Variants in MEGF10 observed in about 807,000 individuals in gnomAD.
The protein encoded by MEGF10 is multiple EGF like domains 10.
Under a neutral mutation model 147.5 loss-of-function variants are expected in MEGF10, and 86 were observed. The observed-to-expected ratio is 0.58, with a 90% CI of 0.49 to 0.70. The LOEUF (loss-of-function observed/expected upper bound fraction) is 0.70, where lower values mean the gene tolerates loss of function less well. Ranked by LOEUF, MEGF10 falls within the 30% of genes least tolerant of loss-of-function variation. The pLI, the probability that MEGF10 is intolerant of heterozygous loss-of-function variation, is 0.00. For missense variants in MEGF10, 1,329 were observed against 1,487.3 expected (o/e 0.89, Z 1.75); for synonymous variants, 478 against 525.5 (o/e 0.91, Z 1.24).
At chr5:127,447,448 A>T in intron 20 of MEGF10, 109 bp from the exon 21 acceptor site, 1 of 1,467,438 alleles carries the variant, frequency 6.8e-7, no homozygotes, top group Non-Finnish European at 9.3e-7. Flanking sequence ...AAGTGCTGGG[A>T]TTACAGGCGT....
At chr5:127,396,311 A>G (rs1324862243) in intron 5 of MEGF10, among the ~76,000 whole-genome samples, 1 of 152,138 alleles carries the variant, frequency 6.6e-6, no homozygotes, top group African/African-American at 2.4e-5. Flanking sequence ...ATTTATTGAC[A>G]TGATTGTCAA....
At chr5:127,268,264 T>G in the MEGF10 span, among the ~76,000 whole-genome samples, 3 of 152,218 alleles carry the variant, frequency 2.0e-5, no homozygotes, top group Non-Finnish European at 4.4e-5. Flanking sequence ...CTAGTTTGAT[T>G]GCACTGTGGT....
chr5:127,376,649 T>A (rs373322075), intron 5 of MEGF10, among the ~76,000 whole-genome samples: 10 of 152,316 alleles, frequency 6.6e-5, no homozygotes, highest in African/African-American at 2.4e-4. Context: ...GTTACATTGA[T>A]GATCATGATG....
intron 1 of MEGF10, among the ~76,000 whole-genome samples, chr5:127,294,835 T>TAATAATAATAAGAAA: frequency 7.0e-6 from 1 of 143,138 alleles, no homozygotes; most frequent in Middle Eastern, 3.7e-3. Flanking sequence ...ATAATAATAA[T>TAATAATAATAAGAAA]AAATAACTTG....
At chr5:127,252,385 G>A in the MEGF10 span, among the ~76,000 whole-genome samples, 2 of 151,794 alleles carry the variant, frequency 1.3e-5, no homozygotes, top group South Asian at 2.1e-4. Context: ...CATAGTAGAA[G>A]AGTAGTTAAA....
rs539585094 is a variant in MEGF10 at position 127,424,225 on chromosome 5, T to C, written c.1693+1453T>C. 5.2e-4 allele frequency: 323 copies of C among 626,162 alleles called. 1 individual carries two copies. Among genetic ancestry groups the C allele is most frequent in the Middle Eastern group, 2.1e-3 (8 of 3,732 alleles). 38.8% of individuals were successfully genotyped at this position (626,162 alleles called of 1,614,324 possible). On this transcript the variant is annotated intron_variant, in intron 13 of 24. Coordinates refer to ENST00000503335, the MANE Select transcript of MEGF10 (RefSeq NM_001256545.2). ...TTCTGGACTCCGTATTTCATTTCAT[T>C]TGTCTATATATCTCTCCTTATGCCA...
At chr5:127,263,309 G>A in the MEGF10 span, among the ~76,000 whole-genome samples, 22 of 144,148 alleles carry the variant, frequency 1.5e-4, no homozygotes, top group South Asian at 2.7e-3. Flanking sequence ...GGGATTCTCG[G>A]GGGGGGGGTA....
chr5:127,340,646 AC>A lies in MEGF10; in HGVS notation c.319+20del. The A allele has an allele frequency of 6.2e-7, 1 of 1,603,618 alleles. No homozygotes were observed. The highest frequency in any genetic ancestry group is 8.5e-7 in the Non-Finnish European group (1 of 1,171,120). On this transcript the variant is annotated intron_variant, in intron 4 of 24. Transcript: ENST00000503335. ...ATGTGTGTCCGTAAGTAAGACTGTC[AC>A]CCCTTTGAGATTCGCTAGTTTTTCC... is the stretch of plus-strand genomic sequence containing the variant.
chr5:127,251,171 A>G, the MEGF10 span, among the ~76,000 whole-genome samples: 546 of 152,216 alleles, frequency 3.6e-3, 2 homozygotes, highest in African/African-American at 0.012. Context: ...AATGAGGGAA[A>G]CTTGTCTTTC....
chr5:127,296,380 A>G (rs1759502738), intron 1 of MEGF10, among the ~76,000 whole-genome samples: 1 of 152,216 alleles, frequency 6.6e-6, no homozygotes, highest in Non-Finnish European at 1.5e-5. Flanking sequence ...TAAAGAAACT[A>G]TGTAAAGCAT....
intron 5 of MEGF10, among the ~76,000 whole-genome samples, chr5:127,394,685 A>G (rs947889242): frequency 1.3e-5 from 2 of 152,184 alleles, no homozygotes; most frequent in African/African-American, 4.8e-5. Context: ...GTCCATATCC[A>G]TAGGCAATAA....
chr5:127,247,365 GA>G, the MEGF10 span, among the ~76,000 whole-genome samples: 4 of 4,008 alleles, frequency 1.0e-3, no homozygotes, highest in Admixed American at 5.3e-3. Flanking sequence ...AGAAGAAGAA[GA>G]AGAAGAAGAA....
At chr5:127,278,402 GA>G in the MEGF10 span, among the ~76,000 whole-genome samples, 1 of 152,044 alleles carries the variant, frequency 6.6e-6, no homozygotes, top group Admixed American at 6.6e-5. Context: ...AGAGAGAATA[GA>G]AGGAAAATAT....
the MEGF10 span, among the ~76,000 whole-genome samples, chr5:127,246,606 A>C: frequency 1.3e-5 from 2 of 149,644 alleles, no homozygotes; most frequent in South Asian, 4.2e-4. Flanking sequence ...AGTATAATTA[A>C]AAAAAAAATG....
intron 4 of MEGF10, among the ~76,000 whole-genome samples, chr5:127,352,110 C>A (rs1171218262): frequency 6.6e-6 from 1 of 150,936 alleles, no homozygotes; most frequent in Non-Finnish European, 1.5e-5. Flanking sequence ...ATATATATTT[C>A]TCTGGGAAGG....
the MEGF10 span, among the ~76,000 whole-genome samples, chr5:127,254,151 T>G: frequency 6.6e-6 from 1 of 152,110 alleles, no homozygotes; most frequent in African/African-American, 2.4e-5. Flanking sequence ...TTAAGTTTTG[T>G]TTTTCTTTTT....
Position 127,461,121 on chromosome 5 carries a change from T to C in MEGF10, c.*3803T>C, listed in dbSNP as rs192951344. The C allele has an allele frequency of 2.0e-5, 3 of 152,236 alleles. No individual in the cohort carries two copies. Among genetic ancestry groups the C allele is most frequent in the Non-Finnish European group, 4.4e-5 (3 of 68,036 alleles). 9.4% of individuals were successfully genotyped at this position (152,236 alleles called of 1,614,324 possible). A position where few individuals can be genotyped will look rare whatever the true frequency, so the allele number is the denominator to read the frequency against. ...AATGCTTTCAGTGTTGAAATATCTC[T>C]ATTTTCCAAAGATGATAAACTTTCA... On this transcript the variant is annotated 3_prime_UTR_variant, in exon 25 of 25. Coordinates refer to ENST00000503335, the MANE Select transcript of MEGF10 (RefSeq NM_001256545.2).
chr5:127,297,194 T>A (rs879496133), intron 1 of MEGF10, among the ~76,000 whole-genome samples: 15 of 152,314 alleles, frequency 9.8e-5, no homozygotes, highest in Admixed American at 8.5e-4. Flanking sequence ...CTCGAACTCC[T>A]GACCTCAAGT....
At chr5:127,420,442 T>C (rs1373908263) in intron 12 of MEGF10, among the ~76,000 whole-genome samples, 1 of 152,100 alleles carries the variant, frequency 6.6e-6, no homozygotes, top group Non-Finnish European at 1.5e-5. Flanking sequence ...TCCTTCATCT[T>C]GTTCAGTTTC....
Sources: allele counts gnomAD v4.1 joint callset (sites outside exome capture counted in the v4.1 genomes callset), GRCh38; gene constraint gnomAD v4.1.1; transcripts MANE v1.5; gene names NCBI Gene and HGNC (gene_info 2026-07-23, HGNC 2026-07-21).